OTOGL: variants seen among roughly 807,000 people sequenced by gnomAD.
OTOGL encodes the protein otogelin like.
Under a neutral mutation model 318.5 loss-of-function variants are expected in OTOGL, and 285 were observed. The ratio of observed to expected loss-of-function variants is 0.89; its 90% confidence interval spans 0.81 to 0.99. The LOEUF (loss-of-function observed/expected upper bound fraction) is 0.99. Ranked by LOEUF, OTOGL falls within the 50% of genes least tolerant of loss-of-function variation. OTOGL has a pLI of 0.00. For synonymous variants in OTOGL, 987 were observed against 936.5 expected, an observed-to-expected ratio of 1.05 and a Z score of -0.99; for missense variants, 2,899 against 2,845.6, an observed-to-expected ratio of 1.02 and a Z score of -0.43.
At chr12:80,225,201 A>G (rs1878718033) in intron 7 of OTOGL, among the ~76,000 whole-genome samples, 2 of 152,102 alleles carry the variant, frequency 1.3e-5, no homozygotes, top group African/African-American at 4.8e-5. Flanking sequence ...CTGTGCTTGC[A>G]GGTCTCCTGT....
Position 80,278,349 on chromosome 12 carries a change from A to G in OTOGL, c.2789+74A>G. On this transcript the variant is annotated intron_variant, in intron 25 of 58. Transcript: ENST00000547103. Reference sequence around the variant, plus strand: ...AATTTCAATCATCTTTTATTTATTTAATGAGACTGACATCAGCAAAAAGTA... The same window carrying G: ...AATTTCAATCATCTTTTATTTATTTGATGAGACTGACATCAGCAAAAAGTA... 6 of 1,205,982 alleles carry G rather than the reference A, an allele frequency of 5.0e-6. No homozygotes were observed. The South Asian group carries it at 8.2e-5, about 16-fold the overall frequency. The allele number at this position is 1,205,982 out of a possible 1,614,324, so 74.7% of individuals were successfully genotyped here.
intron 1 of OTOGL, among the ~76,000 whole-genome samples, chr12:80,173,895 G>A (rs1036827118): frequency 1.4e-4 from 22 of 152,150 alleles, no homozygotes; most frequent in African/African-American, 5.1e-4. Flanking sequence ...CAGTCAGAAA[G>A]CGTCAGTATG....
Position 80,114,660 on chromosome 12 carries a change from G to T in OTOGL, c.-20+15055G>T, listed in dbSNP as rs977972050. Among the ~76,000 whole-genome samples the T allele has an allele frequency of 2.6e-5, 4 of 152,176 alleles. No homozygotes were observed. The East Asian group carries it at 7.8e-4, about 30-fold the overall frequency. On this transcript the variant is annotated intron_variant, in intron 1 of 58. Coordinates refer to ENST00000547103, the MANE Select transcript of OTOGL (RefSeq NM_001378609.3). ...ATTTCCTGAATTTGAGTGTTGGCTG[G>T]TATTGCTAGGTTGGGGAAGTTCTCC...
intron 1 of OTOGL, among the ~76,000 whole-genome samples, chr12:80,129,338 A>T (rs909720835): frequency 1.3e-5 from 2 of 152,164 alleles, no homozygotes; most frequent in African/African-American, 2.4e-5. Flanking sequence ...TGTGAATAAG[A>T]CTTGTCAATA....
intron 1 of OTOGL, among the ~76,000 whole-genome samples, chr12:80,123,673 A>T (rs917067464): frequency 6.6e-6 from 1 of 151,904 alleles, no homozygotes; most frequent in African/African-American, 2.4e-5. Context: ...AAGTGTTCCC[A>T]TTTCTCCACA....
At chr12:80,195,256 T>G (rs1875976430) in intron 1 of OTOGL, among the ~76,000 whole-genome samples, 1 of 152,232 alleles carries the variant, frequency 6.6e-6, no homozygotes, top group African/African-American at 2.4e-5. Flanking sequence ...ATTTGCAGTT[T>G]GGCTCAGCTT....
At chr12:80,372,426 T>C (rs1890934150) in intron 57 of OTOGL, among the ~76,000 whole-genome samples, 1 of 152,108 alleles carries the variant, frequency 6.6e-6, no homozygotes, top group Admixed American at 6.6e-5. Context: ...TGTTTTGTGA[T>C]CATATTTGTT....
intron 16 of OTOGL, among the ~76,000 whole-genome samples, chr12:80,256,040 T>C (rs1310711110): frequency 6.6e-6 from 1 of 152,162 alleles, no homozygotes; most frequent in African/African-American, 2.4e-5. Context: ...CTGAAAGACT[T>C]TAATGTTCTA....
chr12:80,173,991 A>T (rs1874371487), intron 1 of OTOGL, among the ~76,000 whole-genome samples: 1 of 152,176 alleles, frequency 6.6e-6, no homozygotes, highest in Non-Finnish European at 1.5e-5. Context: ...ACATTGAGAA[A>T]GCTCATCCTG....
chr12:80,129,958 A>T (rs762129899), intron 1 of OTOGL, among the ~76,000 whole-genome samples: 1 of 152,100 alleles, frequency 6.6e-6, no homozygotes, highest in Non-Finnish European at 1.5e-5. Context: ...ATGGCTAAAA[A>T]CCATGAACTT....
chr12:80,126,348 T>C (rs903792411), intron 1 of OTOGL, among the ~76,000 whole-genome samples: 6 of 152,162 alleles, frequency 3.9e-5, no homozygotes, highest in Admixed American at 2.0e-4. Context: ...AGTTGAGCGG[T>C]TTTGAGTGAG....
intron 37 of OTOGL, among the ~76,000 whole-genome samples, chr12:80,329,802 A>G (rs116205895): frequency 6.6e-6 from 1 of 152,078 alleles, no homozygotes; most frequent in Non-Finnish European, 1.5e-5. Flanking sequence ...TTGAGCACCA[A>G]CTCTACCTGG....
intron 4 of OTOGL, among the ~76,000 whole-genome samples, chr12:80,212,957 A>G (rs1877386444): frequency 6.6e-6 from 1 of 152,110 alleles, no homozygotes; most frequent in Admixed American, 6.6e-5. Flanking sequence ...CCAGATCCCA[A>G]GAGAGGGTTC....
intron 1 of OTOGL, among the ~76,000 whole-genome samples, chr12:80,120,474 A>T (rs547626333): frequency 6.6e-6 from 1 of 152,154 alleles, no homozygotes; most frequent in Non-Finnish European, 1.5e-5. Flanking sequence ...CTCAACTCTG[A>T]TTCTTGAGCC....
At chr12:80,345,272 C>T (rs1889122881) in intron 44 of OTOGL, among the ~76,000 whole-genome samples, 1 of 143,374 alleles carries the variant, frequency 7.0e-6, no homozygotes. Context: ...GTCATCCAGG[C>T]ACTGATGTCA....
At chr12:80,323,139 CACACACACAT>C (rs61620469) in intron 34 of OTOGL, among the ~76,000 whole-genome samples, 44,168 of 121,184 alleles carry the variant, frequency 0.36, 7,301 homozygotes, top group East Asian at 0.55. Flanking sequence ...CACACACACA[CACACACACAT>C]ATATAAAATA....
At chr12:80,104,799 C>T (rs999526195) in intron 1 of OTOGL, among the ~76,000 whole-genome samples, 3 of 151,966 alleles carry the variant, frequency 2.0e-5, no homozygotes, top group Non-Finnish European at 4.4e-5. Context: ...AAAACATACT[C>T]GAAAATAAAA....
chr12:80,226,704 A>G (rs930383953), intron 7 of OTOGL, among the ~76,000 whole-genome samples: 3 of 152,072 alleles, frequency 2.0e-5, no homozygotes, highest in African/African-American at 7.2e-5. Flanking sequence ...TTCATACTAG[A>G]GAGATAGGTT....
At chr12:80,253,673 C>T (rs1881775262) in intron 14 of OTOGL, 99 bp downstream of exon 14, 3 of 909,246 alleles carry the variant, frequency 3.3e-6, no homozygotes, top group Non-Finnish European at 4.9e-6. Flanking sequence ...TACTAATTTA[C>T]TTCCCAAATT....
Sources: gnomAD v4.1 joint callset for allele counts (sites outside exome capture counted in the v4.1 genomes callset) on GRCh38, gnomAD v4.1.1 for gene constraint, MANE v1.5 for transcripts, NCBI Gene and HGNC (gene_info 2026-07-23, HGNC 2026-07-21) for gene names.